LIMS1: variants seen among roughly 807,000 people sequenced by gnomAD.
LIMS1 encodes LIM zinc finger domain containing 1, also known as LIM and senescent cell antigen-like-containing domain protein 1.
LIMS1 carries 18 observed loss-of-function variants against 44.1 expected under a neutral mutation model. The ratio of observed to expected loss-of-function variants is 0.41; its 90% CI spans 0.28 to 0.61. The LOEUF is 0.61. LIMS1 is among the 20% of genes least tolerant of loss of function. LIMS1 has a pLI of 0.32. For missense variants in LIMS1, 201 were observed against 422.0 expected (o/e 0.48, Z 4.59); for synonymous variants, 93 against 149.1 (o/e 0.62, Z 2.74).
chr2:108,673,455 G>T (rs191120502), intron 5 of LIMS1: 142 of 237,978 alleles, frequency 6.0e-4, no homozygotes, highest in Admixed American at 9.4e-4. Flanking sequence ...TGGGCAATCA[G>T]AGCTCACTGC....
intron 1 of LIMS1, among the ~76,000 whole-genome samples, chr2:108,580,790 G>A (rs1445288042): frequency 1.3e-5 from 2 of 152,204 alleles, no homozygotes; most frequent in Non-Finnish European, 2.9e-5. Context: ...GTGGTCCCTT[G>A]CATGGAGGAG....
intron 1 of LIMS1, among the ~76,000 whole-genome samples, chr2:108,552,588 G>GTGTGTGTGTGTGTGTA (rs1553451179): frequency 0.017 from 1,662 of 97,674 alleles, 40 homozygotes; most frequent in African/African-American, 0.062. Flanking sequence ...TATTTTGGGT[G>GTGTGTGTGTGTGTGTA]TGTGTGTGTG....
At chr2:108,649,328 G>A (rs951160412) in intron 1 of LIMS1, among the ~76,000 whole-genome samples, 1 of 152,206 alleles carries the variant, frequency 6.6e-6, no homozygotes, top group East Asian at 1.9e-4. Context: ...GGAAACAACA[G>A]ATGCTGGAGT....
chr2:108,615,601 C>G (rs1330124082), intron 1 of LIMS1, among the ~76,000 whole-genome samples: 1 of 152,138 alleles, frequency 6.6e-6, no homozygotes, highest in Admixed American at 6.5e-5. Flanking sequence ...AGAGGCTGTT[C>G]AGGGTTCTCC....
rs191875865 is a variant in LIMS1 at position 108,679,046 on chromosome 2, C to T, written c.823+1019C>T. ...TATCCAGGGGCTGGATCCAAACATC[C>T]GTGGATTCAACCAACTATGGATCAA... On this transcript the variant is annotated intron_variant, in intron 8 of 9. Transcript: ENST00000544547. 1.4e-4 allele frequency among the ~76,000 whole-genome samples: 21 copies of T among 152,016 alleles called. No individual in the cohort carries two copies. In the East Asian group the frequency reaches 2.3e-3, roughly 17 times the overall value.
chr2:108,607,102 T>G, intron 1 of LIMS1: 298 of 804,534 alleles, frequency 3.7e-4, no homozygotes, highest in Non-Finnish European at 4.6e-4. Context: ...CTTTCATGAA[T>G]GAGATTACTG....
intron 2 of LIMS1, among the ~76,000 whole-genome samples, chr2:108,667,368 A>G (rs1017419629): frequency 2.0e-5 from 3 of 152,092 alleles, no homozygotes; most frequent in African/African-American, 7.2e-5. Flanking sequence ...AGGTTAAGCA[A>G]CTTGCCCAAG....
intron 1 of LIMS1, among the ~76,000 whole-genome samples, chr2:108,599,506 T>C (rs11885068): frequency 0.012 from 1,849 of 152,232 alleles, 43 homozygotes; most frequent in African/African-American, 0.043. Context: ...GATATCTCTT[T>C]GATATACTGA....
chr2:108,552,590 G>GTGTGTGTGTGTGTA (rs774253298), intron 1 of LIMS1, among the ~76,000 whole-genome samples: 1,112 of 101,026 alleles, frequency 0.011, 14 homozygotes, highest in African/African-American at 0.033. Flanking sequence ...TTTTGGGTGT[G>GTGTGTGTGTGTGTA]TGTGTGTGTG....
At chr2:108,541,043 A>G (rs1029137000) in intron 1 of LIMS1, among the ~76,000 whole-genome samples, 2 of 152,210 alleles carry the variant, frequency 1.3e-5, no homozygotes, top group Non-Finnish European at 2.9e-5. Flanking sequence ...GTTCTATTAC[A>G]GGTGTCCTGG....
chr2:108,582,314 A>G (rs1685917947), intron 1 of LIMS1, among the ~76,000 whole-genome samples: 1 of 152,238 alleles, frequency 6.6e-6, no homozygotes, highest in Admixed American at 6.5e-5. Context: ...CATAGGCACT[A>G]AATGGCCTGA....
intron 1 of LIMS1, among the ~76,000 whole-genome samples, chr2:108,648,349 A>T (rs1276466977): frequency 6.6e-6 from 1 of 152,230 alleles, no homozygotes; most frequent in African/African-American, 2.4e-5. Context: ...TTCCATGCTC[A>T]TGGATAGGAA....
intron 1 of LIMS1, among the ~76,000 whole-genome samples, chr2:108,616,522 T>C (rs1687941343): frequency 6.6e-6 from 1 of 152,192 alleles, no homozygotes; most frequent in Non-Finnish European, 1.5e-5. Context: ...ACATGAGCTT[T>C]AATGACAGCT....
chr2:108,603,940 G>A (rs1346788957), intron 1 of LIMS1, among the ~76,000 whole-genome samples: 3 of 151,776 alleles, frequency 2.0e-5, no homozygotes, highest in Non-Finnish European at 4.4e-5. Flanking sequence ...TTATTTGAAG[G>A]GTTTTTTGTT....
At chr2:108,622,098 A>G (rs1051278586) in intron 1 of LIMS1, among the ~76,000 whole-genome samples, 2 of 152,212 alleles carry the variant, frequency 1.3e-5, no homozygotes, top group African/African-American at 4.8e-5. Context: ...TACAACATTA[A>G]GCCTATGTGT....
At chr2:108,629,716 A>AT (rs1264415122) in intron 1 of LIMS1, among the ~76,000 whole-genome samples, 3 of 152,152 alleles carry the variant, frequency 2.0e-5, no homozygotes, top group South Asian at 2.1e-4. Flanking sequence ...TTAAAGAGTC[A>AT]TTTTTTTCCC....
intron 1 of LIMS1, among the ~76,000 whole-genome samples, chr2:108,614,173 C>T (rs971661399): frequency 1.3e-5 from 2 of 152,144 alleles, no homozygotes; most frequent in Non-Finnish European, 2.9e-5. Context: ...TTTTCTCATC[C>T]GCTTTAAACC....
At chr2:108,640,598 G>C (rs2148917252) in intron 1 of LIMS1, among the ~76,000 whole-genome samples, 1 of 152,276 alleles carries the variant, frequency 6.6e-6, no homozygotes, top group South Asian at 2.1e-4. Context: ...TCTTTTGCCT[G>C]TGGGCTTTGG....
At chr2:108,607,343 TTCA>T (rs1365685794) in intron 1 of LIMS1, 2 of 1,252,350 alleles carry the variant, frequency 1.6e-6, no homozygotes, top group Non-Finnish European at 2.3e-6. Context: ...GTCTGGTATC[TTCA>T]TCACATAAAT....
Sources: allele counts gnomAD v4.1 joint callset (sites outside exome capture counted in the v4.1 genomes callset), GRCh38; gene constraint gnomAD v4.1.1; transcripts MANE v1.5; gene names NCBI Gene and HGNC (gene_info 2026-07-23, HGNC 2026-07-21).